ATP8A2: variants seen among roughly 807,000 people sequenced by gnomAD.
ATP8A2 encodes ATPase phospholipid transporting 8A2, also known as phospholipid-transporting ATPase IB.
In ATP8A2, 100 loss-of-function variants were observed where a neutral mutation model predicts 165.6. That is an observed-to-expected ratio of 0.60 (90% CI 0.51 to 0.71). ATP8A2 has a LOEUF of 0.71. Among genes scored for constraint, ATP8A2 ranks in the 30% least tolerant of loss-of-function variants. The pLI, the probability that ATP8A2 is intolerant of heterozygous loss-of-function variation, is 0.00. For missense variants in ATP8A2, 1,227 were observed against 1,479.5 expected (o/e 0.83, Z 2.80); for synonymous variants, 543 against 548.8 (o/e 0.99, Z 0.15).
At chr13:25,624,946 T>C (rs1327186787) in intron 24 of ATP8A2, among the ~76,000 whole-genome samples, 1 of 152,222 alleles carries the variant, frequency 6.6e-6, no homozygotes, top group East Asian at 1.9e-4. Context: ...GTTTTTTACA[T>C]AGGAATTATC....
chr13:25,527,082 T>A (rs1304315541), intron 2 of ATP8A2, among the ~76,000 whole-genome samples: 3 of 152,166 alleles, frequency 2.0e-5, no homozygotes, highest in Admixed American at 1.3e-4. Flanking sequence ...TATTCTAGTT[T>A]TGGGATATTT....
intron 1 of ATP8A2, among the ~76,000 whole-genome samples, chr13:25,401,202 C>T (rs1460223767): frequency 2.0e-5 from 3 of 151,840 alleles, no homozygotes; most frequent in Non-Finnish European, 4.4e-5. Flanking sequence ...CTTTTCCTTC[C>T]AGTATTGCAG....
intron 35 of ATP8A2, among the ~76,000 whole-genome samples, chr13:25,969,646 A>G (rs1197045781): frequency 6.6e-6 from 1 of 152,250 alleles, no homozygotes; most frequent in Non-Finnish European, 1.5e-5. Context: ...AGGCTTTCAA[A>G]ATACAATTTC....
chr13:25,870,684 G>A (rs1014557454), intron 33 of ATP8A2, among the ~76,000 whole-genome samples: 1 of 152,168 alleles, frequency 6.6e-6, no homozygotes, highest in Non-Finnish European at 1.5e-5. Flanking sequence ...GAGTCGGTTG[G>A]ACTCCAAGCT....
chr13:25,498,667 T>C (rs968997293), intron 2 of ATP8A2, among the ~76,000 whole-genome samples: 7 of 151,210 alleles, frequency 4.6e-5, no homozygotes, highest in Non-Finnish European at 8.8e-5. Context: ...CCTGCAGATG[T>C]GTTCAAGTCA....
In ATP8A2 at chr13:25,621,382, A is replaced by C. The variant is rs182185363; in HGVS notation, c.2211+31683A>C. On this transcript the variant is annotated intron_variant, in intron 24 of 36. Coordinates refer to ENST00000381655, the MANE Select transcript of ATP8A2 (RefSeq NM_016529.6). ...GTTCTGTTTCTGATTTAATCTTTTC[A>C]TTTTTCTCTTTTTGTTTTTCTCAAC... is the stretch of plus-strand genomic sequence containing the variant. Among the ~76,000 whole-genome samples the C allele has an allele frequency of 2.6e-5, 4 of 151,898 alleles. No individual in the cohort carries two copies. In the East Asian group the frequency reaches 7.7e-4, roughly 29 times the overall value.
At chr13:25,394,262 AGT>A (rs2137983024) in intron 1 of ATP8A2, among the ~76,000 whole-genome samples, 1 of 152,360 alleles carries the variant, frequency 6.6e-6, no homozygotes, top group East Asian at 1.9e-4. Flanking sequence ...CTGAGAGTCT[AGT>A]GGAAGGAGAG....
intron 25 of ATP8A2, among the ~76,000 whole-genome samples, chr13:25,719,425 G>C (rs919598339): frequency 2.0e-5 from 3 of 152,084 alleles, no homozygotes; most frequent in Non-Finnish European, 4.4e-5. Flanking sequence ...TAAATTGAAA[G>C]GTTGGGTGGG....
chr13:25,414,955 CA>C (rs2034089807), intron 1 of ATP8A2, among the ~76,000 whole-genome samples: 1 of 152,080 alleles, frequency 6.6e-6, no homozygotes, highest in African/African-American at 2.4e-5. Flanking sequence ...AATACTTTAC[CA>C]GGGGAGCACA....
intron 2 of ATP8A2, among the ~76,000 whole-genome samples, chr13:25,498,926 G>C (rs1390715842): frequency 2.0e-5 from 3 of 152,170 alleles, no homozygotes; most frequent in Non-Finnish European, 4.4e-5. Context: ...AGGATACTGA[G>C]TCCTGTACCC....
chr13:25,558,870 C>T, intron 13 of ATP8A2, 103 bp from the exon 14 acceptor site: 23 of 682,832 alleles, frequency 3.4e-5, no homozygotes, highest in South Asian at 1.7e-4. Context: ...GGAAATCTAC[C>T]CGTTTCATAC....
At chr13:25,634,327 A>G (rs2041318588) in intron 24 of ATP8A2, among the ~76,000 whole-genome samples, 1 of 152,200 alleles carries the variant, frequency 6.6e-6, no homozygotes. Flanking sequence ...ATGAATATCA[A>G]TAATTTCTTA....
At chr13:25,535,728 T>C (rs2038257689) in intron 6 of ATP8A2, among the ~76,000 whole-genome samples, 1 of 151,978 alleles carries the variant, frequency 6.6e-6, no homozygotes, top group Non-Finnish European at 1.5e-5. Flanking sequence ...GGTGGGAGGA[T>C]CACTTGAGCA....
intron 35 of ATP8A2, among the ~76,000 whole-genome samples, chr13:25,981,355 T>C (rs1416930523): frequency 1.3e-5 from 2 of 152,250 alleles, no homozygotes; most frequent in Non-Finnish European, 2.9e-5. Flanking sequence ...AACAGTCACA[T>C]GTTCCACACA....
At chr13:25,588,819 C>A (rs2039991645) in intron 23 of ATP8A2, among the ~76,000 whole-genome samples, 1 of 152,150 alleles carries the variant, frequency 6.6e-6, no homozygotes, top group Non-Finnish European at 1.5e-5. Flanking sequence ...GAGAGACAGG[C>A]CAGTGCCCTG....
chr13:25,726,618 T>C (rs1031942412), intron 25 of ATP8A2, among the ~76,000 whole-genome samples: 1 of 152,238 alleles, frequency 6.6e-6, no homozygotes, highest in Non-Finnish European at 1.5e-5. Flanking sequence ...TCTCTCTCTC[T>C]GTGGACACTT....
chr13:25,616,645 A>T (rs777289910), intron 24 of ATP8A2, among the ~76,000 whole-genome samples: 20 of 152,166 alleles, frequency 1.3e-4, no homozygotes, highest in Non-Finnish European at 2.6e-4. Flanking sequence ...CAAGAGTAGT[A>T]TGTGGTACTG....
intron 24 of ATP8A2, among the ~76,000 whole-genome samples, chr13:25,646,874 C>G (rs996876335): frequency 6.6e-6 from 1 of 152,016 alleles, no homozygotes; most frequent in Non-Finnish European, 1.5e-5. Context: ...TGCTTTGAAT[C>G]CATTCTATTT....
At chr13:25,975,009 T>C (rs1409166891) in intron 35 of ATP8A2, among the ~76,000 whole-genome samples, 4 of 152,124 alleles carry the variant, frequency 2.6e-5, no homozygotes, top group African/African-American at 7.2e-5. Context: ...TTCTCACGTG[T>C]GCGACCCTCA....
Sources: gnomAD v4.1 joint callset for allele counts (sites outside exome capture counted in the v4.1 genomes callset) on GRCh38, gnomAD v4.1.1 for gene constraint, MANE v1.5 for transcripts, NCBI Gene and HGNC (gene_info 2026-07-23, HGNC 2026-07-21) for gene names.